TENM2: variants seen among roughly 807,000 people sequenced by gnomAD.
TENM2 encodes teneurin-2.
In TENM2, 52 loss-of-function variants were observed where a neutral mutation model predicts 245.2. The observed-to-expected ratio is 0.21, with a 90% CI of 0.17 to 0.27. The LOEUF (loss-of-function observed/expected upper bound fraction) is 0.27, where lower values mean the gene tolerates loss of function less well. Among genes scored for constraint, TENM2 ranks in the 10% least tolerant of loss-of-function variants. The pLI is 1.00. For missense variants in TENM2, 3,046 were observed against 3,666.8 expected (o/e 0.83, Z 4.37); for synonymous variants, 1,363 against 1,438.9 (o/e 0.95, Z 1.19).
the TENM2 span, among the ~76,000 whole-genome samples, chr5:167,022,868 T>C: frequency 6.6e-6 from 1 of 152,306 alleles, no homozygotes; most frequent in East Asian, 1.9e-4. Context: ...TACATAGGAA[T>C]TTGTAATATT....
the TENM2 span, among the ~76,000 whole-genome samples, chr5:167,000,237 G>A: frequency 6.6e-6 from 1 of 152,182 alleles, no homozygotes; most frequent in South Asian, 2.1e-4. Context: ...GAAAAATTGG[G>A]AGAAAATAAA....
At chr5:167,279,492 TTC>T in the TENM2 span, among the ~76,000 whole-genome samples, 4 of 145,730 alleles carry the variant, frequency 2.7e-5, no homozygotes, top group Admixed American at 7.2e-5. Flanking sequence ...CTTTCTTTCT[TTC>T]TCTTTCTTTC....
intron 2 of TENM2, among the ~76,000 whole-genome samples, chr5:167,873,826 G>A (rs1773187096): frequency 6.6e-6 from 1 of 152,118 alleles, no homozygotes; most frequent in South Asian, 2.1e-4. Context: ...ATCCCAAACA[G>A]CCATGAATGA....
At chr5:167,394,576 G>T (rs1582485) in intron 2 of TENM2, among the ~76,000 whole-genome samples, 92,587 of 151,442 alleles carry the variant, frequency 0.61, 30,227 homozygotes, top group African/African-American at 0.87. Flanking sequence ...ATGTATGTAT[G>T]TATTTATTTA....
intron 2 of TENM2, among the ~76,000 whole-genome samples, chr5:167,457,835 C>T (rs1415539054): frequency 1.3e-5 from 2 of 152,190 alleles, no homozygotes; most frequent in African/African-American, 2.4e-5. Flanking sequence ...AGACTTTAAT[C>T]TGAGTTAGTG....
At chr5:167,958,277 C>G (rs998562962) in intron 4 of TENM2, among the ~76,000 whole-genome samples, 7 of 152,162 alleles carry the variant, frequency 4.6e-5, no homozygotes, top group African/African-American at 1.7e-4. Context: ...TCTGTGTTAT[C>G]AGAGACTAGG....
chr5:167,308,653 C>T (rs1388829084), intron 1 of TENM2, among the ~76,000 whole-genome samples: 1 of 152,188 alleles, frequency 6.6e-6, no homozygotes, highest in African/African-American at 2.4e-5. Context: ...CAACATCTTT[C>T]CAGCTGTGAA....
At chr5:167,164,665 G>C in the TENM2 span, among the ~76,000 whole-genome samples, 1 of 152,152 alleles carries the variant, frequency 6.6e-6, no homozygotes, top group Non-Finnish European at 1.5e-5. Flanking sequence ...TTAGCTTCAT[G>C]TCATGCTGAT....
intron 2 of TENM2, among the ~76,000 whole-genome samples, chr5:167,549,512 A>G (rs950089902): frequency 4.6e-5 from 7 of 152,148 alleles, no homozygotes; most frequent in Non-Finnish European, 1.0e-4. Flanking sequence ...TAACTATTAG[A>G]TTTCTGTTTT....
At chr5:166,992,089 G>A in the TENM2 span, among the ~76,000 whole-genome samples, 1 of 149,560 alleles carries the variant, frequency 6.7e-6, no homozygotes, top group African/African-American at 2.5e-5. Flanking sequence ...ATTAAGAAGA[G>A]CATTCAATTG....
intron 2 of TENM2, among the ~76,000 whole-genome samples, chr5:167,794,157 C>G (rs986676244): frequency 1.3e-5 from 2 of 152,034 alleles, no homozygotes; most frequent in African/African-American, 2.4e-5. Flanking sequence ...CCCACCAGTC[C>G]ACTCAGAACC....
At chr5:167,568,804 A>T (rs10475520) in intron 2 of TENM2, among the ~76,000 whole-genome samples, 4,733 of 152,202 alleles carry the variant, frequency 0.031, 250 homozygotes, top group African/African-American at 0.11. Context: ...ATGTTGTTCC[A>T]GATTGTTTTA....
At chr5:167,299,752 A>C (rs1755193824) in intron 1 of TENM2, among the ~76,000 whole-genome samples, 1 of 152,144 alleles carries the variant, frequency 6.6e-6, no homozygotes, top group Non-Finnish European at 1.5e-5. Context: ...CAGGTGGATC[A>C]GAGAGATGCA....
chr5:167,353,563 A>T (rs1456778638), intron 1 of TENM2, among the ~76,000 whole-genome samples: 22 of 117,836 alleles, frequency 1.9e-4, no homozygotes, highest in Admixed American at 1.1e-3. Context: ...GCTGGAGTGC[A>T]GTGGCGGGAT....
At chr5:168,025,028 A>G (rs1315161804) in intron 5 of TENM2, among the ~76,000 whole-genome samples, 1 of 152,234 alleles carries the variant, frequency 6.6e-6, no homozygotes, top group African/African-American at 2.4e-5. Context: ...TCAGATTCGT[A>G]AGGCCCTTGG....
intron 4 of TENM2, among the ~76,000 whole-genome samples, chr5:167,982,896 A>G (rs1188203701): frequency 6.6e-6 from 1 of 152,208 alleles, no homozygotes; most frequent in Non-Finnish European, 1.5e-5. Flanking sequence ...AACTGTCTGA[A>G]TGGTCCAGAC....
chr5:167,927,063 G>T (rs1777822994), intron 3 of TENM2, among the ~76,000 whole-genome samples: 1 of 152,046 alleles, frequency 6.6e-6, no homozygotes, highest in African/African-American at 2.4e-5. Flanking sequence ...CTTGTAGGTA[G>T]CCCATTGTAT....
intron 2 of TENM2, among the ~76,000 whole-genome samples, chr5:167,753,662 A>G (rs1359379677): frequency 1.3e-5 from 2 of 152,216 alleles, no homozygotes; most frequent in Admixed American, 6.5e-5. Flanking sequence ...TCACACAGTT[A>G]GTAGGTGACA....
At chr5:167,598,414 G>T (rs1036929088) in intron 2 of TENM2, among the ~76,000 whole-genome samples, 2 of 152,158 alleles carry the variant, frequency 1.3e-5, no homozygotes, top group African/African-American at 4.8e-5. Flanking sequence ...CAGCTCTCCT[G>T]AAATCTCAAG....
Sources: allele counts gnomAD v4.1 joint callset (sites outside exome capture counted in the v4.1 genomes callset), GRCh38; gene constraint gnomAD v4.1.1; transcripts MANE v1.5; gene names NCBI Gene and HGNC (gene_info 2026-07-23, HGNC 2026-07-21).